XKR4: variants seen among roughly 807,000 people sequenced by gnomAD.
The protein encoded by XKR4 is XK-related protein 4.
A neutral mutation model predicts 53.9 loss-of-function variants in XKR4; 12 were observed. The observed-to-expected ratio is 0.22, with a 90% CI of 0.14 to 0.36. The LOEUF (loss-of-function observed/expected upper bound fraction) is 0.36. Ranked by LOEUF, XKR4 falls within the 10% of genes least tolerant of loss-of-function variation. The probability of loss-of-function intolerance (pLI) is 1.00; values close to 1 mark genes in which losing one functional copy is unlikely to be tolerated. For missense variants in XKR4, 799 were observed against 859.5 expected (o/e 0.93, Z 0.88); for synonymous variants, 354 against 362.4 (o/e 0.98, Z 0.26).
chr8:55,310,464 A>G (rs1819373286), intron 1 of XKR4, among the ~76,000 whole-genome samples: 1 of 152,250 alleles, frequency 6.6e-6, no homozygotes, highest in Non-Finnish European at 1.5e-5. Flanking sequence ...TAAGCACTCC[A>G]TAAATATTAG....
rs1035038762 is a variant in XKR4 at position 55,533,078 on chromosome 8, A to G, written c.*8851A>G. The stretch of plus-strand genomic sequence containing the variant: ...TTAATTCATCAAGAAGTTCCAAAAC[A>G]CTACTAAATGTGTTGAAAATATAGT... On this transcript the variant is annotated 3_prime_UTR_variant, in exon 3 of 3. Transcript: ENST00000327381. The G allele has an allele frequency of 6.6e-6, 1 of 152,240 alleles. No homozygotes were observed. Among genetic ancestry groups the G allele is most frequent in the East Asian group, 1.9e-4 (1 of 5,194 alleles). 9.4% of individuals were successfully genotyped at this position (152,240 alleles called of 1,614,324 possible). A position where few individuals can be genotyped will look rare whatever the true frequency, so the allele number is the denominator to read the frequency against.
At chr8:55,225,351 T>C (rs1817938210) in intron 1 of XKR4, among the ~76,000 whole-genome samples, 1 of 152,252 alleles carries the variant, frequency 6.6e-6, no homozygotes, top group African/African-American at 2.4e-5. Flanking sequence ...ATTTAGAAAT[T>C]ACGCTTTAGG....
chr8:55,112,556 T>G (rs1442420152), intron 1 of XKR4, among the ~76,000 whole-genome samples: 2 of 126,142 alleles, frequency 1.6e-5, no homozygotes, highest in Non-Finnish European at 3.4e-5. Context: ...ATTCTTTACT[T>G]TTCAGGTTTT....
At chr8:55,402,354 C>A (rs1490890795) in intron 2 of XKR4, among the ~76,000 whole-genome samples, 2 of 152,186 alleles carry the variant, frequency 1.3e-5, no homozygotes, top group African/African-American at 4.8e-5. Context: ...GAACATGAAC[C>A]ACTGTGCAAA....
chr8:55,387,288 G>A (rs1804334036), intron 2 of XKR4, among the ~76,000 whole-genome samples: 1 of 152,050 alleles, frequency 6.6e-6, no homozygotes, highest in African/African-American at 2.4e-5. Flanking sequence ...AAAACCTCCT[G>A]GGGATCTGCC....
intron 1 of XKR4, among the ~76,000 whole-genome samples, chr8:55,108,433 A>G (rs1331727252): frequency 1.3e-5 from 2 of 152,298 alleles, no homozygotes; most frequent in African/African-American, 4.8e-5. Context: ...TTCAGAGGCT[A>G]TGTCATTATT....
intron 1 of XKR4, among the ~76,000 whole-genome samples, chr8:55,294,192 T>G (rs1192905111): frequency 1.3e-5 from 2 of 152,180 alleles, no homozygotes; most frequent in Non-Finnish European, 2.9e-5. Flanking sequence ...TTAGTTTGCT[T>G]CTCATTCTTA....
chr8:55,222,992 G>C (rs1226501454), intron 1 of XKR4, among the ~76,000 whole-genome samples: 1 of 152,150 alleles, frequency 6.6e-6, no homozygotes, highest in African/African-American at 2.4e-5. Flanking sequence ...CCAGAAAAGA[G>C]CATCTGACTG....
intron 1 of XKR4, among the ~76,000 whole-genome samples, chr8:55,296,260 C>A (rs976777209): frequency 3.9e-5 from 6 of 152,198 alleles, no homozygotes; most frequent in African/African-American, 1.4e-4. Flanking sequence ...GCACGTATCA[C>A]TTCCATTTTC....
At chr8:55,268,265 G>T (rs1818639970) in intron 1 of XKR4, among the ~76,000 whole-genome samples, 1 of 152,150 alleles carries the variant, frequency 6.6e-6, no homozygotes, top group South Asian at 2.1e-4. Context: ...AGGGAAGTTT[G>T]CTATATTTTC....
chr8:55,231,964 A>G (rs1818047503), intron 1 of XKR4, among the ~76,000 whole-genome samples: 2 of 152,186 alleles, frequency 1.3e-5, no homozygotes, highest in Non-Finnish European at 2.9e-5. Context: ...ATCATCTCAG[A>G]TTCATTTAGT....
At chr8:55,244,944 T>C (rs1429527988) in intron 1 of XKR4, among the ~76,000 whole-genome samples, 3 of 146,750 alleles carry the variant, frequency 2.0e-5, no homozygotes, top group Non-Finnish European at 4.5e-5. Context: ...TGTTGTCGCC[T>C]GGGCTGGAGT....
At chr8:55,359,568 A>G (rs1487989824) in intron 2 of XKR4, among the ~76,000 whole-genome samples, 1 of 152,198 alleles carries the variant, frequency 6.6e-6, no homozygotes, top group Non-Finnish European at 1.5e-5. Context: ...GTATAATTAT[A>G]CAATTGGGAA....
intron 2 of XKR4, among the ~76,000 whole-genome samples, chr8:55,430,939 G>A (rs1019220539): frequency 2.6e-5 from 4 of 152,318 alleles, no homozygotes; most frequent in Non-Finnish European, 4.4e-5. Context: ...TTCAACACAC[G>A]AATGTGGGGC....
chr8:55,340,917 G>A (rs961969607), intron 1 of XKR4, among the ~76,000 whole-genome samples: 1 of 152,188 alleles, frequency 6.6e-6, no homozygotes, highest in Non-Finnish European at 1.5e-5. Flanking sequence ...GAGATAACCT[G>A]TGAAGCTGGA....
intron 2 of XKR4, among the ~76,000 whole-genome samples, chr8:55,377,300 G>C (rs1379219816): frequency 6.6e-6 from 1 of 152,144 alleles, no homozygotes; most frequent in Non-Finnish European, 1.5e-5. Context: ...ATACCTCATA[G>C]GCAGGCACCT....
chr8:55,334,642 T>C (rs1024995209), intron 1 of XKR4, among the ~76,000 whole-genome samples: 2 of 152,212 alleles, frequency 1.3e-5, no homozygotes, highest in African/African-American at 4.8e-5. Flanking sequence ...CAACCTCATA[T>C]ACCTGTGCAT....
intron 2 of XKR4, chr8:55,451,089 T>A: frequency 3.9e-6 from 2 of 513,470 alleles, no homozygotes; most frequent in Non-Finnish European, 7.0e-6. Flanking sequence ...CGGCCGCACA[T>A]TCTTGAGCTG....
chr8:55,240,157 C>T (rs1818189590), intron 1 of XKR4, among the ~76,000 whole-genome samples: 1 of 152,166 alleles, frequency 6.6e-6, no homozygotes, highest in Admixed American at 6.5e-5. Context: ...CAACTTTGAA[C>T]TGAATTAATC....
Sources: gnomAD v4.1 joint callset for allele counts (sites outside exome capture counted in the v4.1 genomes callset) on GRCh38, gnomAD v4.1.1 for gene constraint, MANE v1.5 for transcripts, NCBI Gene and HGNC (gene_info 2026-07-23, HGNC 2026-07-21) for gene names.